Variants in CEP162 observed in about 807,000 individuals in gnomAD.
The protein encoded by CEP162 is centrosomal protein 162, also known as centrosomal protein of 162 kDa.
A neutral mutation model predicts 169.2 loss-of-function variants in CEP162; 141 were observed. That is an observed-to-expected ratio of 0.83 (90% CI 0.73 to 0.96). The LOEUF (loss-of-function observed/expected upper bound fraction) is 0.96, where lower values mean the gene tolerates loss of function less well. Among genes scored for constraint, CEP162 ranks in the 40% least tolerant of loss-of-function variants. The pLI is 0.00. For missense variants in CEP162, 1,600 were observed against 1,587.2 expected (o/e 1.01, Z -0.14); for synonymous variants, 540 against 526.4 (o/e 1.03, Z -0.35).
chr6:84,198,412 C>T (rs1237504738), intron 9 of CEP162, among the ~76,000 whole-genome samples: 2 of 152,018 alleles, frequency 1.3e-5, no homozygotes, highest in South Asian at 2.1e-4. Context: ...TGCGTAGCTA[C>T]AATTACAGGC....
At chr6:84,157,145 T>C (rs942067379) in intron 21 of CEP162, among the ~76,000 whole-genome samples, 2 of 152,138 alleles carry the variant, frequency 1.3e-5, no homozygotes, top group African/African-American at 4.8e-5. Flanking sequence ...GAAACATATA[T>C]ATGGTCACAA....
At chr6:84,135,202 C>T (rs151319211) in intron 25 of CEP162, among the ~76,000 whole-genome samples, 41 of 152,244 alleles carry the variant, frequency 2.7e-4, no homozygotes, top group African/African-American at 9.6e-4. Context: ...AAAACACATG[C>T]ATAGTGAATC....
chr6:84,186,434 T>A lies in CEP162; in HGVS notation c.1299A>T (p.Val433=), dbSNP rs528088950. The stretch of plus-strand genomic sequence containing the variant: ...TATCAACATGTTCTTCTGTGGCAGT[T>A]ACTTCAGTTACTTGTGGACAGCTGT... ...MENSCPQVTE[V]TATEEHVDKM... is the part of the protein sequence containing the mutation. The change falls in exon 12 of 27, where the codon GTA becomes GTT. Residue 433 remains valine, a synonymous_variant. Transcript: ENST00000403245. The A allele has an allele frequency of 1.9e-6, 3 of 1,607,040 alleles. No homozygotes were observed. In the South Asian group the frequency reaches 3.3e-5, roughly 18 times the overall value.
At chr6:84,213,215 T>G (rs1226507185) in intron 5 of CEP162, among the ~76,000 whole-genome samples, 191 bp from the exon 6 acceptor site, 2 of 152,324 alleles carry the variant, frequency 1.3e-5, no homozygotes, top group East Asian at 3.9e-4. Context: ...TTCGAAGCAT[T>G]TGATTAATTG....
At chr6:84,141,354 G>C (rs1196805700) in intron 25 of CEP162, among the ~76,000 whole-genome samples, 2 of 152,048 alleles carry the variant, frequency 1.3e-5, no homozygotes, top group African/African-American at 4.8e-5. Context: ...AGAGTGTCAA[G>C]TCTAGTCTAA....
intron 6 of CEP162, 59 bp from the exon 7 acceptor site, chr6:84,204,155 G>T: frequency 1.0e-6 from 1 of 990,086 alleles, no homozygotes; most frequent in Non-Finnish European, 1.5e-6. Context: ...TCAAATTCCA[G>T]GAAAAGGCTG....
rs1168744597 is a variant in CEP162, at chr6:84,174,207, A to G, written c.2026-19T>C. The G allele has an allele frequency of 2.5e-6, 4 of 1,587,638 alleles. No individual in the cohort carries two copies. In the African/African-American group the frequency reaches 4.1e-5, roughly 16 times the overall value. ...TGCTTAACTTGGAGAAATTGCAGAA[A>G]TTGTTTTATTTGGGGAAGGAAATGA... is the stretch of plus-strand genomic sequence containing the variant. On this transcript the variant is annotated intron_variant, in intron 15 of 26. Coordinates refer to ENST00000403245, the MANE Select transcript of CEP162 (RefSeq NM_014895.4).
chr6:84,162,008 T>C (rs1202628208), intron 19 of CEP162, 99 bp from the exon 20 acceptor site: 44 of 722,072 alleles, frequency 6.1e-5, no homozygotes, highest in Non-Finnish European at 2.2e-6. Context: ...GCCCATCTAA[T>C]GACAGCATTA....
intron 6 of CEP162, among the ~76,000 whole-genome samples, chr6:84,208,372 G>C (rs559504560): frequency 8.5e-5 from 13 of 152,138 alleles, no homozygotes; most frequent in Non-Finnish European, 1.9e-4. Flanking sequence ...GATCATTTTG[G>C]AAACAAACAT....
chr6:84,176,576 C>G (rs1467359829), intron 13 of CEP162, among the ~76,000 whole-genome samples: 1 of 152,178 alleles, frequency 6.6e-6, no homozygotes, highest in Non-Finnish European at 1.5e-5. Flanking sequence ...AAAATCCAAA[C>G]TGCTCTAAAA....
intron 25 of CEP162, among the ~76,000 whole-genome samples, chr6:84,138,049 G>A (rs2099514905): frequency 6.6e-6 from 1 of 152,158 alleles, no homozygotes; most frequent in Non-Finnish European, 1.5e-5. Flanking sequence ...GCTTTATGCT[G>A]AAAACTTATA....
In CEP162 at chr6:84,171,599, G is replaced by C; in HGVS notation, c.2279+7C>G. 2.5e-6 allele frequency: 3 copies of C among 1,207,812 alleles called. No individual in the cohort carries two copies. Among genetic ancestry groups the C allele is most frequent in the Non-Finnish European group, 3.4e-6 (3 of 876,796 alleles). 74.8% of individuals were successfully genotyped at this position (1,207,812 alleles called of 1,614,324 possible). On this transcript the variant is annotated splice_region_variant and intron_variant, in intron 17 of 26. Transcript: ENST00000403245. ...TATTTGATTTTAAGAAGTTCAAAAG[G>C]ACTTACTTTAAGGAAGCTACCTCAC...
intron 25 of CEP162, among the ~76,000 whole-genome samples, chr6:84,135,046 T>C (rs954507531): frequency 6.6e-6 from 1 of 151,538 alleles, no homozygotes; most frequent in Non-Finnish European, 1.5e-5. Flanking sequence ...TGTACACACA[T>C]GAGAACCATA....
intron 18 of CEP162, among the ~76,000 whole-genome samples, chr6:84,164,490 T>C (rs1439132200): frequency 6.6e-6 from 1 of 152,196 alleles, no homozygotes; most frequent in Non-Finnish European, 1.5e-5. Context: ...ATGTGGCACA[T>C]GTACACCATG....
intron 22 of CEP162, among the ~76,000 whole-genome samples, chr6:84,153,843 C>A (rs2099522033): frequency 6.6e-6 from 1 of 152,082 alleles, no homozygotes; most frequent in African/African-American, 2.4e-5. Context: ...AGGAGAGCAA[C>A]ATGGCAGCAG....
Position 84,124,927 on chromosome 6 carries a change from A to G in CEP162, c.*143T>C, listed in dbSNP as rs2099508303. On this transcript the variant is annotated 3_prime_UTR_variant, in exon 27 of 27. Coordinates refer to ENST00000403245, the MANE Select transcript of CEP162 (RefSeq NM_014895.4). ...GTTTTTTTTCTTATTGGTTAAAGGCAATTTATTTTGAAATGTTGCTTTGGT... is the reference window on the plus strand; with the variant it reads ...GTTTTTTTTCTTATTGGTTAAAGGCGATTTATTTTGAAATGTTGCTTTGGT... 7.3e-6 allele frequency: 5 copies of G among 685,330 alleles called. No individual in the cohort carries two copies. Among genetic ancestry groups the G allele is most frequent in the Non-Finnish European group, 1.2e-5 (5 of 402,516 alleles). 42.5% of individuals were successfully genotyped at this position (685,330 alleles called of 1,614,324 possible).
At chr6:84,199,227 C>T (rs1043260554) in intron 9 of CEP162, among the ~76,000 whole-genome samples, 5 of 152,044 alleles carry the variant, frequency 3.3e-5, no homozygotes, top group Admixed American at 3.3e-4. Context: ...GACATGCACT[C>T]AGCACATGCT....
At chr6:84,135,433 C>A (rs2099513608) in intron 25 of CEP162, among the ~76,000 whole-genome samples, 1 of 152,210 alleles carries the variant, frequency 6.6e-6, no homozygotes, top group African/African-American at 2.4e-5. Flanking sequence ...TTCAAACAAT[C>A]TGTGCGTAGC....
intron 9 of CEP162, among the ~76,000 whole-genome samples, chr6:84,197,087 A>G (rs1364028106): frequency 6.6e-6 from 1 of 152,064 alleles, no homozygotes; most frequent in Non-Finnish European, 1.5e-5. Flanking sequence ...TGCTGAGCAT[A>G]CATAAAAGAA....
Sources: gnomAD v4.1 joint callset for allele counts (sites outside exome capture counted in the v4.1 genomes callset) on GRCh38, gnomAD v4.1.1 for gene constraint, MANE v1.5 for transcripts, NCBI Gene and HGNC (gene_info 2026-07-23, HGNC 2026-07-21) for gene names.